The following ADAMTSL2 variants were observed in gnomAD, a reference collection of about 807,000 sequenced individuals.
ADAMTSL2 encodes ADAMTS like 2.
Under a neutral mutation model 117.0 loss-of-function variants are expected in ADAMTSL2, and 55 were observed. The observed-to-expected ratio is 0.47, with a 90% confidence interval of 0.38 to 0.59. The LOEUF (loss-of-function observed/expected upper bound fraction) is 0.59, where lower values mean the gene tolerates loss of function less well. ADAMTSL2 is among the 20% of genes least tolerant of loss of function. The pLI, the probability that ADAMTSL2 is intolerant of heterozygous loss-of-function variation, is 0.00. For missense variants in ADAMTSL2, 1,182 were observed against 1,354.5 expected, an observed-to-expected ratio of 0.87 and a Z score of 2.00; for synonymous variants, 572 against 566.4, an observed-to-expected ratio of 1.01 and a Z score of -0.14.
intron 8 of ADAMTSL2, among the ~76,000 whole-genome samples, chr9:133,546,229 G>T (rs1027508037): frequency 4.6e-5 from 7 of 152,180 alleles, no homozygotes; most frequent in Admixed American, 3.9e-4. Context: ...GTTCCAGTCT[G>T]CAGGGGTGGT....
At chr9:133,533,553 C>T (rs765725828), upstream of ADAMTSL2, among the ~76,000 whole-genome samples, 4 of 152,182 alleles carry the variant, frequency 2.6e-5, no homozygotes, top group Admixed American at 2.0e-4. Context: ...GCTCTGGGCC[C>T]GTAGGACAAG....
chr9:133,563,101 C>T (rs1830785615), intron 12 of ADAMTSL2, among the ~76,000 whole-genome samples: 1 of 152,280 alleles, frequency 6.6e-6, no homozygotes, highest in Non-Finnish European at 1.5e-5. Context: ...CCACTGTTTT[C>T]CACAGGTGAA....
chr9:133,553,102 G>A (rs1224234800), intron 9 of ADAMTSL2, among the ~76,000 whole-genome samples: 1 of 152,228 alleles, frequency 6.6e-6, no homozygotes, highest in Admixed American at 6.5e-5. Context: ...GGCCGTGAAG[G>A]CAGAGGTCTC....
intron 8 of ADAMTSL2, among the ~76,000 whole-genome samples, chr9:133,546,411 T>C (rs1192734292): frequency 7.0e-6 from 1 of 142,482 alleles, no homozygotes; most frequent in East Asian, 2.3e-4. Context: ...GTGACTGAGA[T>C]TGGACCAGGC....
intron 12 of ADAMTSL2, among the ~76,000 whole-genome samples, chr9:133,562,554 T>C (rs1448091781): frequency 4.0e-4 from 39 of 97,244 alleles, no homozygotes; most frequent in African/African-American, 1.6e-3. Context: ...CGCACCGCCG[T>C]GGGCGGCGTG....
intron 17 of ADAMTSL2, among the ~76,000 whole-genome samples, chr9:133,570,909 G>T (rs1213414819): frequency 6.6e-6 from 1 of 152,182 alleles, no homozygotes; most frequent in African/African-American, 2.4e-5. Flanking sequence ...CCACAGCCAA[G>T]GCAGCCGCTT....
chr9:133,550,808 TGG>T (rs1830464680), intron 9 of ADAMTSL2, among the ~76,000 whole-genome samples: 1 of 152,158 alleles, frequency 6.6e-6, no homozygotes, highest in South Asian at 2.1e-4. Context: ...GTGCCTGCAG[TGG>T]GGTGATGATG....
intron 4 of ADAMTSL2, 101 bp from the exon 5 acceptor site, chr9:133,539,670 C>CCCGGCTGTA: frequency 4.1e-6 from 5 of 1,227,190 alleles, no homozygotes; most frequent in Admixed American, 2.0e-5. Flanking sequence ...TCCCGGCTGT[C>CCCGGCTGTA]CCGGCTGTCC....
upstream of ADAMTSL2, among the ~76,000 whole-genome samples, chr9:133,534,141 C>T (rs1337665707): frequency 6.6e-6 from 1 of 152,254 alleles, no homozygotes; most frequent in African/African-American, 2.4e-5. Flanking sequence ...CAGCAGGCCA[C>T]GGGCACATCT....
At chr9:133,564,916 G>A (rs1830928122) in intron 12 of ADAMTSL2, among the ~76,000 whole-genome samples, 1 of 152,126 alleles carries the variant, frequency 6.6e-6, no homozygotes, top group Non-Finnish European at 1.5e-5. Context: ...CAGGCACAGG[G>A]CAGTTCTATC....
intron 12 of ADAMTSL2, among the ~76,000 whole-genome samples, chr9:133,564,344 AAG>A (rs1158573725): frequency 8.2e-4 from 3 of 3,678 alleles, no homozygotes; most frequent in Admixed American, 2.5e-3. Context: ...AAGAGAGAGA[AAG>A]AGAGAGGGAG....
chr9:133,545,537 G>T (rs367837191), intron 8 of ADAMTSL2, among the ~76,000 whole-genome samples: 1 of 152,218 alleles, frequency 6.6e-6, no homozygotes, highest in East Asian at 1.9e-4. Flanking sequence ...GCCCCAGCAG[G>T]TCTGTGCTGC....
upstream of ADAMTSL2, among the ~76,000 whole-genome samples, chr9:133,533,486 G>A (rs989475435): frequency 2.6e-5 from 4 of 152,200 alleles, no homozygotes; most frequent in Non-Finnish European, 4.4e-5. Context: ...CTTGGTCCCC[G>A]AACCTCAGTT....
In ADAMTSL2 at chr9:133,554,465, G is replaced by T; in HGVS notation, c.1048G>T (p.Ala350Ser). ...QPIYYGFSES[A>S]ESQGLDGAGL... ...CATCTACTATGGCTTCTCCGAGAGC[G>T]CTGAGAGCCAGGGCCTGGACGGGGC... The change falls in exon 10 of 19, where the codon GCT becomes TCT. Residue 350 changes from alanine (A) to serine (S), a missense_variant. Around this residue, in one of 3 missense-constraint regions of ADAMTSL2, gnomAD observed 345 missense variants for 325.8 expected, o/e 1.06. Coordinates refer to ENST00000651351, the MANE Select transcript of ADAMTSL2 (RefSeq NM_014694.4). The surrounding 1 kb of genome is among the most constrained non-coding windows in gnomAD (Gnocchi z 5.2). 1 of 1,555,652 alleles carries T rather than the reference G, an allele frequency of 6.4e-7. No homozygotes were observed. The highest frequency in any genetic ancestry group is 8.7e-7 in the Non-Finnish European group (1 of 1,150,058).
At chr9:133,553,328 T>C (rs1830529645) in intron 9 of ADAMTSL2, among the ~76,000 whole-genome samples, 1 of 152,158 alleles carries the variant, frequency 6.6e-6, no homozygotes, top group African/African-American at 2.4e-5. Context: ...GCACGCTCTC[T>C]GCTCCTTGGA....
intron 9 of ADAMTSL2, among the ~76,000 whole-genome samples, chr9:133,548,705 G>A (rs538421025): frequency 1.3e-5 from 2 of 152,150 alleles, no homozygotes; most frequent in Non-Finnish European, 2.9e-5. Context: ...CCTTGTGGGG[G>A]GCATGACCTG....
In ADAMTSL2 at chr9:133,534,994, G is replaced by A. The variant is rs1322510195; in HGVS notation, c.-151+77G>A. On this transcript the variant is annotated intron_variant, in intron 1 of 18. Transcript: ENST00000651351. ...CCCACTGCTCAGAGTGGGGCTGGGG[G>A]TAGGAGCACCCCGCGCCCTCTGGAG... 3.0e-6 allele frequency: 4 copies of A among 1,317,286 alleles called. No individual in the cohort carries two copies. The African/African-American group carries it at 6.2e-5, about 20-fold the overall frequency. 81.6% of individuals were successfully genotyped at this position (1,317,286 alleles called of 1,614,324 possible). A position where few individuals can be genotyped will look rare whatever the true frequency, so the allele number is the denominator to read the frequency against.
At chr9:133,550,000 A>G (rs1349070690) in intron 9 of ADAMTSL2, among the ~76,000 whole-genome samples, 2 of 152,244 alleles carry the variant, frequency 1.3e-5, no homozygotes, top group Non-Finnish European at 2.9e-5. Context: ...CACCAGGACT[A>G]GGCACAGGGC....
At chr9:133,550,774 T>A (rs1188816304) in intron 9 of ADAMTSL2, among the ~76,000 whole-genome samples, 1 of 152,090 alleles carries the variant, frequency 6.6e-6, no homozygotes, top group Non-Finnish European at 1.5e-5. Context: ...CATCCCTTCC[T>A]CCACGCTGAT....
Sources: allele counts gnomAD v4.1 joint callset (sites outside exome capture counted in the v4.1 genomes callset), GRCh38; gene constraint gnomAD v4.1.1; regional missense constraint gnomAD v4.1.1; non-coding constraint Gnocchi (gnomAD v3.1); transcripts MANE v1.5; gene names NCBI Gene and HGNC (gene_info 2026-07-23, HGNC 2026-07-21).